Variants in MYCBP2 observed in about 807,000 individuals in gnomAD.
The protein encoded by MYCBP2 is MYC binding protein 2, also known as E3 ubiquitin-protein ligase MYCBP2.
MYCBP2 carries 120 observed loss-of-function variants against 525.3 expected under a neutral mutation model. That is an observed-to-expected ratio of 0.23 (90% CI 0.20 to 0.27). The LOEUF (loss-of-function observed/expected upper bound fraction) is 0.27. Among genes scored for constraint, MYCBP2 ranks in the 10% least tolerant of loss-of-function variants. The probability of loss-of-function intolerance (pLI) is 1.00; values close to 1 mark genes in which losing one functional copy is unlikely to be tolerated. For synonymous variants in MYCBP2, 1,894 were observed against 1,955.8 expected (o/e 0.97, Z 0.83); for missense variants, 4,149 against 5,657.1 (o/e 0.73, Z 8.55).
At chr13:77,071,267 ACACG>A (rs1164121551) in intron 68 of MYCBP2, among the ~76,000 whole-genome samples, 13 of 119,660 alleles carry the variant, frequency 1.1e-4, no homozygotes, top group African/African-American at 4.2e-4. Context: ...ACGTGTGTGC[ACACG>A]CACACACACA....
chr13:77,169,350 C>T (rs9600829), intron 39 of MYCBP2, among the ~76,000 whole-genome samples: 5 of 148,168 alleles, frequency 3.4e-5, no homozygotes, highest in East Asian at 2.0e-4. Flanking sequence ...GAGCGGAGAT[C>T]GCGCCACAGC....
intron 65 of MYCBP2, 33 bp from the exon 66 acceptor site, chr13:77,078,922 T>C: frequency 6.5e-7 from 1 of 1,538,420 alleles, no homozygotes; most frequent in South Asian, 1.1e-5. Flanking sequence ...GTTAATATGC[T>C]ATATTCCTGC....
intron 65 of MYCBP2, among the ~76,000 whole-genome samples, chr13:77,079,725 T>C (rs1293680056): frequency 1.3e-5 from 2 of 152,202 alleles, no homozygotes; most frequent in Non-Finnish European, 2.9e-5. Context: ...ATTTGCATTA[T>C]CCTTACTGGC....
At chr13:77,257,226 T>C (rs1376189920) in intron 14 of MYCBP2, among the ~76,000 whole-genome samples, 2 of 152,026 alleles carry the variant, frequency 1.3e-5, no homozygotes, top group Non-Finnish European at 2.9e-5. Flanking sequence ...TGCTGGTTAC[T>C]AGAGACTGGG....
Position 77,164,462 on chromosome 13 carries a change from A to G in MYCBP2, c.6539T>C (p.Leu2180Pro). Residue 2180 changes from leucine to proline, a missense_variant, in exon 43 of 83, where the codon CTT becomes CCT. This residue lies in a region of MYCBP2 where 692 missense variants were observed against 852.7 expected (regional missense o/e 0.81). Coordinates refer to ENST00000544440, the MANE Select transcript of MYCBP2 (RefSeq NM_015057.5). The part of the protein sequence containing the change: ...AAALMKKDLA[L>P]PIGNELEEDL... ...GTATTGGCCACACTTACCAATAGGA[A>G]GTGCTAGGTCCTTCTTCATCAGAGC... The G allele has an allele frequency of 6.2e-7, 1 of 1,608,810 alleles. No individual in the cohort carries two copies. Among genetic ancestry groups the G allele is most frequent in the Non-Finnish European group, 8.5e-7 (1 of 1,175,220 alleles).
In MYCBP2 at chr13:77,066,038, G is replaced by A. The variant is rs763414891; in HGVS notation, c.12506C>T (p.Thr4169Ile). 2 of 1,613,532 alleles carry A rather than the reference G, an allele frequency of 1.2e-6. No individual in the cohort carries two copies. The highest frequency in any genetic ancestry group is 1.7e-6 in the Non-Finnish European group (2 of 1,179,624). The stretch of plus-strand genomic sequence containing the variant: ...TTTAATGATGATCTCTGAGATCTGG[G>A]TAGGGGTTGAGCCCTTCATCCACCA... Reference protein sequence around the residue: ...SHWWMKGSTPTQISEIIIKLI... With the variant: ...SHWWMKGSTPIQISEIIIKLI... The change falls in exon 72 of 83, where the codon ACC becomes ATC. Residue 4169 changes from threonine to isoleucine, a missense_variant. By Grantham distance (89) the Thr-to-Ile change is moderately conservative (BLOSUM62 -1). Transcript: ENST00000544440.
At chr13:77,232,170 A>C (rs1010979502) in intron 18 of MYCBP2, among the ~76,000 whole-genome samples, 4 of 152,208 alleles carry the variant, frequency 2.6e-5, no homozygotes, top group African/African-American at 9.6e-5. Context: ...ATTATACTAT[A>C]TTGCCTATGA....
chr13:77,094,192 T>C (rs1432868468), intron 58 of MYCBP2, among the ~76,000 whole-genome samples: 2 of 152,174 alleles, frequency 1.3e-5, no homozygotes, highest in African/African-American at 4.8e-5. Context: ...AAAATGGAAC[T>C]GTTGGTCGGC....
At chr13:77,218,744 C>A (rs2065153264) in intron 20 of MYCBP2, among the ~76,000 whole-genome samples, 1 of 152,166 alleles carries the variant, frequency 6.6e-6, no homozygotes, top group African/African-American at 2.4e-5. Flanking sequence ...TCCTAGTATC[C>A]TTTCCTACTT....
chr13:77,227,374 A>T (rs1394316134), intron 18 of MYCBP2, among the ~76,000 whole-genome samples: 3 of 150,630 alleles, frequency 2.0e-5, no homozygotes, highest in Non-Finnish European at 4.4e-5. Context: ...AACAACATTT[A>T]GTTTCACTCC....
At chr13:77,101,977 G>A (rs1461479538) in intron 55 of MYCBP2, among the ~76,000 whole-genome samples, 1 of 151,842 alleles carries the variant, frequency 6.6e-6, no homozygotes, top group Non-Finnish European at 1.5e-5. Flanking sequence ...TTTAATGACT[G>A]TACTTTTACA....
chr13:77,320,290 A>T (rs576761138), intron 1 of MYCBP2, among the ~76,000 whole-genome samples: 108 of 152,278 alleles, frequency 7.1e-4, no homozygotes, highest in African/African-American at 2.3e-3. Context: ...ATGTGCCTGA[A>T]AGCGGGATCT....
chr13:77,107,645 G>A (rs2154140599), intron 55 of MYCBP2, among the ~76,000 whole-genome samples: 1 of 152,194 alleles, frequency 6.6e-6, no homozygotes, highest in Admixed American at 6.6e-5. Context: ...GGCAGAGGTG[G>A]GAGGATCACT....
chr13:77,211,445 A>G, intron 22 of MYCBP2, 125 bp from the exon 23 acceptor site: 1 of 431,626 alleles, frequency 2.3e-6, no homozygotes, highest in East Asian at 6.1e-5. Flanking sequence ...AGGCTAAGTA[A>G]TTAAAAAATC....
In MYCBP2 at chr13:77,081,893, C is replaced by T. The variant is rs1353990541; in HGVS notation, c.11137G>A (p.Asp3713Asn). 7 of 1,613,584 alleles carry T rather than the reference C, an allele frequency of 4.3e-6. No individual in the cohort carries two copies. The highest frequency in any genetic ancestry group is 5.9e-6 in the Non-Finnish European group (7 of 1,179,764). ...NNILSKSDDG[D>N]SEESFSISIQ... ...CTGATGCTAAAACTCTCTTCACTAT[C>T]GCCATCATCTGACTTTGACAAAATA... The change falls in exon 64 of 83, where the codon GAT becomes AAT. Residue 3713 changes from aspartate to asparagine, a missense_variant. By Grantham distance (23) the Asp-to-Asn change is conservative (BLOSUM62 1). Coordinates refer to ENST00000544440, the MANE Select transcript of MYCBP2 (RefSeq NM_015057.5). The surrounding 1 kb of genome is among the most constrained non-coding windows in gnomAD (Gnocchi z 4.6).
At chr13:77,192,263 C>T (rs948424597) in intron 27 of MYCBP2, among the ~76,000 whole-genome samples, 10 of 152,196 alleles carry the variant, frequency 6.6e-5, no homozygotes, top group Non-Finnish European at 1.3e-4. Flanking sequence ...AGCAGGGCAA[C>T]GCAGGGCAAG....
chr13:77,237,221 T>C (rs2068054657), intron 17 of MYCBP2, among the ~76,000 whole-genome samples: 2 of 152,222 alleles, frequency 1.3e-5, no homozygotes, highest in African/African-American at 4.8e-5. Flanking sequence ...CTGTATAGAA[T>C]GTGGTAGATC....
chr13:77,070,373 C>G lies in MYCBP2; in HGVS notation c.11904+258G>C, dbSNP rs192216909. ...GGATGGCTTTGAATGTGGCCCAACA[C>G]AAATTCATAAACTTTCTTAAAGTAT... On this transcript the variant is annotated intron_variant, in intron 69 of 82. Coordinates refer to ENST00000544440, the MANE Select transcript of MYCBP2 (RefSeq NM_015057.5). Among the ~76,000 whole-genome samples the G allele has an allele frequency of 2.7e-3, 414 of 152,276 alleles. 1 individual carries two copies. Among genetic ancestry groups the G allele is most frequent in the African/African-American group, 9.4e-3 (390 of 41,554 alleles).
intron 58 of MYCBP2, among the ~76,000 whole-genome samples, chr13:77,094,423 A>C (rs1399331655): frequency 2.0e-5 from 3 of 152,180 alleles, no homozygotes; most frequent in Admixed American, 1.3e-4. Flanking sequence ...CACATTCCAC[A>C]GTGATTTTTT....
Sources: allele counts gnomAD v4.1 joint callset (sites outside exome capture counted in the v4.1 genomes callset), GRCh38; gene constraint gnomAD v4.1.1; regional missense constraint gnomAD v4.1.1; non-coding constraint Gnocchi (gnomAD v3.1); transcripts MANE v1.5; gene names NCBI Gene and HGNC (gene_info 2026-07-23, HGNC 2026-07-21).